TULP3: variants seen among roughly 807,000 people sequenced by gnomAD.
TULP3 encodes tubby-related protein 3.
TULP3 carries 38 observed loss-of-function variants against 50.7 expected under a neutral mutation model. The ratio of observed to expected loss-of-function variants is 0.75; its 90% CI spans 0.58 to 0.98. TULP3 has a LOEUF of 0.98. Among genes scored for constraint, TULP3 ranks in the 50% least tolerant of loss-of-function variants. TULP3 has a pLI of 0.00. For synonymous variants in TULP3, 183 were observed against 196.6 expected, an observed-to-expected ratio of 0.93 and a Z score of 0.58; for missense variants, 550 against 568.0, an observed-to-expected ratio of 0.97 and a Z score of 0.32.
rs2098171483 is a variant in TULP3 at position 2,890,978 on chromosome 12, A to T, written c.31A>T (p.Ser11Cys). MEASRCRLSP[S>C]GDSVFHEEMM... is the part of the protein sequence containing the mutation. ...GGCTTCGCGCTGCCGGCTCAGTCCC[A>T]GCGGCGACAGGTCAGACAGGGCCGT... The change falls in exon 1 of 11, where the codon AGC (serine) becomes TGC (cysteine). Residue 11 changes from serine to cysteine, a missense_variant. Coordinates refer to ENST00000448120, the MANE Select transcript of TULP3 (RefSeq NM_003324.5). The T allele has an allele frequency of 6.3e-7, 1 of 1,594,894 alleles. No individual in the cohort carries two copies. The highest frequency in any genetic ancestry group is 1.7e-5 in the Admixed American group (1 of 57,956).
chr12:2,931,502 T>G (rs2098198043), intron 6 of TULP3, among the ~76,000 whole-genome samples: 1 of 152,230 alleles, frequency 6.6e-6, no homozygotes, highest in Non-Finnish European at 1.5e-5. Context: ...TGTAATTATT[T>G]TCACCTGTCT....
Position 2,934,487 on chromosome 12 carries a change from G to A in TULP3, c.850G>A (p.Gly284Ser). 1 of 1,604,620 alleles carries A rather than the reference G, an allele frequency of 6.2e-7. No individual in the cohort carries two copies. The highest frequency in any genetic ancestry group is 1.1e-5 in the South Asian group (1 of 89,316). Residue 284 changes from glycine (G) to serine (S), a missense_variant, in exon 8 of 11, where the codon GGC becomes AGC. Coordinates refer to ENST00000448120, the MANE Select transcript of TULP3 (RefSeq NM_003324.5). The part of the protein sequence containing the change: ...MGTKFTVYDR[G>S]ICPMKGRGLV... ...GACCAAGTTTACAGTTTATGACCGT[G>A]GCATCTGCCCCATGAAGGGCCGGGG... is the stretch of plus-strand genomic sequence containing the variant.
intron 4 of TULP3, among the ~76,000 whole-genome samples, chr12:2,926,503 AT>A (rs2098194754): frequency 6.6e-6 from 1 of 152,244 alleles, no homozygotes; most frequent in Non-Finnish European, 1.5e-5. Flanking sequence ...ATAAGTTAGT[AT>A]TTTAGACAGC....
At chr12:2,938,729 G>A (rs977038751) in intron 10 of TULP3, among the ~76,000 whole-genome samples, 1 of 151,922 alleles carries the variant, frequency 6.6e-6, no homozygotes, top group African/African-American at 2.4e-5. Context: ...GCTGCAGTGA[G>A]CTGAGATTGC....
rs973186265 is a variant in TULP3 at position 2,940,888 on chromosome 12, C to G, written c.*1444C>G. 5 of 644,988 alleles carry G rather than the reference C, an allele frequency of 7.8e-6. No homozygotes were observed. The highest frequency in any genetic ancestry group is 1.0e-5 in the Non-Finnish European group (4 of 382,700). The allele number at this position is 644,988 out of a possible 1,614,324, so 40.0% of individuals were successfully genotyped here. On this transcript the variant is annotated 3_prime_UTR_variant, in exon 11 of 11. Coordinates refer to ENST00000448120, the MANE Select transcript of TULP3 (RefSeq NM_003324.5). Reference sequence around the variant, plus strand: ...CCTCACACCTCGTCACCACCACCACCCCCCACCCCATCCTGAGGCACTGCC... The same window carrying G: ...CCTCACACCTCGTCACCACCACCACGCCCCACCCCATCCTGAGGCACTGCC...
chr12:2,931,044 G>A lies in TULP3; in HGVS notation c.500G>A (p.Gly167Asp), dbSNP rs1225428222. The change falls in exon 6 of 11, where the codon GGC becomes GAC. Residue 167 changes from glycine to aspartate, a missense_variant. Transcript: ENST00000448120. ...SASSQNSTDT[G>D]TSGSATAAQP... Reference sequence around the variant, plus strand: ...GTATGGCTGTCCTTTCAGGATACAGGCACTTCCGGTTCTGCTACTGCCGCC... The same window carrying A: ...GTATGGCTGTCCTTTCAGGATACAGACACTTCCGGTTCTGCTACTGCCGCC... The A allele has an allele frequency of 3.7e-6, 6 of 1,613,944 alleles. No individual in the cohort carries two copies. The African/African-American group carries it at 6.7e-5, about 18-fold the overall frequency.
intron 1 of TULP3, among the ~76,000 whole-genome samples, chr12:2,901,852 C>A (rs1397994513): frequency 1.3e-5 from 2 of 152,048 alleles, no homozygotes; most frequent in African/African-American, 4.8e-5. Flanking sequence ...TTGATGAAGT[C>A]CAACTTGCTG....
intron 3 of TULP3, among the ~76,000 whole-genome samples, chr12:2,921,889 C>A (rs527923832): frequency 6.6e-6 from 1 of 152,192 alleles, no homozygotes; most frequent in East Asian, 1.9e-4. Flanking sequence ...TTGAGACTAG[C>A]CTGGGCAACA....
chr12:2,916,486 T>C (rs2098188775), intron 2 of TULP3, among the ~76,000 whole-genome samples: 1 of 152,178 alleles, frequency 6.6e-6, no homozygotes, highest in Non-Finnish European at 1.5e-5. Context: ...ATTAGGAAAT[T>C]TAAAAGTGAT....
intron 4 of TULP3, among the ~76,000 whole-genome samples, chr12:2,926,460 G>C (rs533334925): frequency 6.6e-6 from 1 of 152,308 alleles, no homozygotes; most frequent in South Asian, 2.1e-4. Context: ...ACTCCCACCT[G>C]GGCAACAGAG....
chr12:2,929,678 C>T (rs1333717075), intron 4 of TULP3, among the ~76,000 whole-genome samples: 4 of 151,942 alleles, frequency 2.6e-5, no homozygotes, highest in African/African-American at 9.7e-5. Context: ...GCAAGCTCCG[C>T]CTCCCAGGTT....
intron 8 of TULP3, among the ~76,000 whole-genome samples, chr12:2,935,178 C>T (rs959566191): frequency 4.5e-4 from 69 of 152,182 alleles, no homozygotes. Flanking sequence ...TCAGACTTCT[C>T]TATTGGCATG....
Position 2,933,573 on chromosome 12 carries a change from C to T in TULP3, c.809+43C>T, listed in dbSNP as rs76930913. On this transcript the variant is annotated intron_variant, in intron 7 of 10. Coordinates refer to ENST00000448120, the MANE Select transcript of TULP3 (RefSeq NM_003324.5). ...TCACTGTCCTATTCTTTCTGATAGTCTTATTCCTATAGTTGCAGAACAGTC... is the reference window on the plus strand; with the variant it reads ...TCACTGTCCTATTCTTTCTGATAGTTTTATTCCTATAGTTGCAGAACAGTC... 9.4e-3 allele frequency: 11,552 copies of T among 1,235,398 alleles called. 72 individuals are homozygous for T. Among genetic ancestry groups the T allele is most frequent in the Non-Finnish European group, 0.011 (9,329 of 843,042 alleles). The allele number at this position is 1,235,398 out of a possible 1,614,324, so 76.5% of individuals were successfully genotyped here.
intron 1 of TULP3, among the ~76,000 whole-genome samples, chr12:2,904,952 G>A (rs557482403): frequency 6.6e-6 from 1 of 151,778 alleles, no homozygotes; most frequent in African/African-American, 2.4e-5. Flanking sequence ...TAAAAATATG[G>A]CAGGCACCTG....
At chr12:2,910,028 C>T (rs1432461733) in intron 2 of TULP3, among the ~76,000 whole-genome samples, 3 of 152,192 alleles carry the variant, frequency 2.0e-5, no homozygotes, top group African/African-American at 2.4e-5. Context: ...CACAGTGGCT[C>T]ACGCCTGTCA....
intron 7 of TULP3, 31 bp downstream of exon 7, chr12:2,933,561 C>T (rs766678865): frequency 2.9e-6 from 4 of 1,368,554 alleles, no homozygotes; most frequent in East Asian, 4.6e-5. Flanking sequence ...CTGTCCTATT[C>T]TTTCTGATAG....
chr12:2,897,349 C>T (rs2098176127), intron 1 of TULP3, among the ~76,000 whole-genome samples: 1 of 152,046 alleles, frequency 6.6e-6, no homozygotes, highest in Non-Finnish European at 1.5e-5. Flanking sequence ...TTAGAAATTT[C>T]TGGGTTTCCA....
intron 8 of TULP3, among the ~76,000 whole-genome samples, chr12:2,937,231 T>TTTTTTTTTTTTTTTTTTTC (rs1555115468): frequency 7.7e-6 from 1 of 130,312 alleles, no homozygotes; most frequent in African/African-American, 3.2e-5. Flanking sequence ...TTTTTTTTTT[T>TTTTTTTTTTTTTTTTTTTC]CTGAGGCAGA....
chr12:2,940,744 G>A lies in TULP3; in HGVS notation c.*1300G>A. 4 of 1,541,378 alleles carry A rather than the reference G, an allele frequency of 2.6e-6. No homozygotes were observed. The highest frequency in any genetic ancestry group is 3.5e-6 in the Non-Finnish European group (4 of 1,141,032). On this transcript the variant is annotated 3_prime_UTR_variant, in exon 11 of 11. Transcript: ENST00000448120. ...GCATGTGAAGGAGGGCCAACTGGCA[G>A]CTGCGGGACCCTTGGCTTGTCCCCC... is the stretch of plus-strand genomic sequence containing the variant.
Sources: gnomAD v4.1 joint callset for allele counts (sites outside exome capture counted in the v4.1 genomes callset) on GRCh38, gnomAD v4.1.1 for gene constraint, MANE v1.5 for transcripts, NCBI Gene and HGNC (gene_info 2026-07-23, HGNC 2026-07-21) for gene names.